OSBP2: variants seen among roughly 807,000 people sequenced by gnomAD.
OSBP2 encodes the protein oxysterol-binding protein 2.
OSBP2 carries 66 observed loss-of-function variants against 96.0 expected under a neutral mutation model. That is an observed-to-expected ratio of 0.69 (90% confidence interval 0.56 to 0.84). The LOEUF (loss-of-function observed/expected upper bound fraction) is 0.84. Among genes scored for constraint, OSBP2 ranks in the 40% least tolerant of loss-of-function variants. The pLI, the probability that OSBP2 is intolerant of heterozygous loss-of-function variation, is 0.00. For missense variants in OSBP2, 1,038 were observed against 1,222.7 expected, an observed-to-expected ratio of 0.85 and a Z score of 2.25; for synonymous variants, 525 against 520.9, an observed-to-expected ratio of 1.01 and a Z score of -0.11.
chr22:30,709,538 A>G (rs571479107), intron 1 of OSBP2, among the ~76,000 whole-genome samples: 2 of 150,528 alleles, frequency 1.3e-5, no homozygotes, highest in Non-Finnish European at 3.0e-5. Context: ...TTTTTTTGAG[A>G]CAGAGTCTCA....
At chr22:30,795,563 A>C (rs1472089614) in intron 2 of OSBP2, among the ~76,000 whole-genome samples, 3 of 134,224 alleles carry the variant, frequency 2.2e-5, no homozygotes, top group African/African-American at 8.6e-5. Context: ...CTTGTTGCCC[A>C]GGCTGTAGTG....
At chr22:30,884,631 C>T (rs1429933099) in intron 3 of OSBP2, among the ~76,000 whole-genome samples, 1 of 152,182 alleles carries the variant, frequency 6.6e-6, no homozygotes, top group Non-Finnish European at 1.5e-5. Flanking sequence ...ATCCCTGGGG[C>T]AGGCTGGGGG....
intron 2 of OSBP2, among the ~76,000 whole-genome samples, chr22:30,826,605 A>G (rs963947119): frequency 4.6e-5 from 7 of 152,122 alleles, no homozygotes; most frequent in Non-Finnish European, 7.4e-5. Flanking sequence ...ACCCTCCTAG[A>G]GGCTGTAAGC....
At chr22:30,894,328 A>G (rs2040018223) in intron 12 of OSBP2, 1 of 258,386 alleles carries the variant, frequency 3.9e-6, no homozygotes, top group Non-Finnish European at 7.4e-6. Flanking sequence ...TCCAAAGAGA[A>G]CAAATAGAAA....
chr22:30,862,635 G>A lies in OSBP2; in HGVS notation c.854-7794G>A, dbSNP rs537304121. 1.1e-4 allele frequency among the ~76,000 whole-genome samples: 16 copies of A among 145,972 alleles called. No homozygotes were observed. The South Asian group carries it at 2.7e-3, about 25-fold the overall frequency. On this transcript the variant is annotated intron_variant, in intron 2 of 13. Transcript: ENST00000332585. ...GTGGAGGTTGCAGTGAGCCGAGATC[G>A]TGCCACTGTACTCCAACCTGGGTGA...
chr22:30,774,878 G>A (rs755345262), intron 2 of OSBP2, among the ~76,000 whole-genome samples: 16 of 152,184 alleles, frequency 1.1e-4, no homozygotes, highest in Non-Finnish European at 2.1e-4. Context: ...TATGTGAGAT[G>A]ATAGCATCAC....
intron 2 of OSBP2, among the ~76,000 whole-genome samples, chr22:30,752,559 G>A (rs1297480775): frequency 6.6e-6 from 1 of 151,828 alleles, no homozygotes; most frequent in Admixed American, 6.6e-5. Context: ...CAAAGTGCTA[G>A]GATTACAGGT....
intron 2 of OSBP2, among the ~76,000 whole-genome samples, chr22:30,752,365 C>G (rs1007095869): frequency 8.2e-6 from 1 of 122,014 alleles, no homozygotes; most frequent in South Asian, 2.8e-4. Flanking sequence ...GTGGCACCAT[C>G]TCGGCTCACT....
chr22:30,741,487 A>C, intron 2 of OSBP2, 118 bp downstream of exon 2: 1 of 769,860 alleles, frequency 1.3e-6, no homozygotes, highest in East Asian at 2.7e-5. Context: ...AGCGTGGATC[A>C]ATCTGGAAGG....
intron 4 of OSBP2, 28 bp from the exon 5 acceptor site, chr22:30,888,195 C>T (rs746119500): frequency 3.4e-6 from 5 of 1,460,136 alleles, no homozygotes; most frequent in South Asian, 2.3e-5. Context: ...TGTGAGGTTA[C>T]AAATTAAAGC....
chr22:30,853,540 G>T (rs1396610239), intron 2 of OSBP2, among the ~76,000 whole-genome samples: 1 of 152,040 alleles, frequency 6.6e-6, no homozygotes, highest in African/African-American at 2.4e-5. Context: ...AATATTTAAA[G>T]GAGTTTTATT....
chr22:30,791,300 C>T (rs1446789311), intron 2 of OSBP2, among the ~76,000 whole-genome samples: 2 of 134,672 alleles, frequency 1.5e-5, no homozygotes, highest in African/African-American at 5.6e-5. Flanking sequence ...GCTGCAGGAG[C>T]TTATATATTG....
chr22:30,740,564 A>C (rs1340563554), intron 1 of OSBP2, among the ~76,000 whole-genome samples: 1 of 152,236 alleles, frequency 6.6e-6, no homozygotes, highest in East Asian at 1.9e-4. Flanking sequence ...AATTCAGCCT[A>C]TGCCCAGGAA....
intron 2 of OSBP2, among the ~76,000 whole-genome samples, chr22:30,845,275 C>T (rs563013507): frequency 6.6e-6 from 1 of 152,054 alleles, no homozygotes; most frequent in Admixed American, 6.6e-5. Flanking sequence ...ACCATATATA[C>T]AAAAACTTAG....
chr22:30,847,527 G>A (rs572241102), intron 2 of OSBP2, among the ~76,000 whole-genome samples: 16 of 152,166 alleles, frequency 1.1e-4, no homozygotes, highest in African/African-American at 2.9e-4. Context: ...TGATCCACCC[G>A]CCTCAGCTTC....
intron 2 of OSBP2, among the ~76,000 whole-genome samples, chr22:30,796,557 G>A (rs951495002): frequency 7.2e-5 from 11 of 152,020 alleles, no homozygotes; most frequent in African/African-American, 2.7e-4. Context: ...CCAGGCTGGA[G>A]TGCAGTGATA....
intron 2 of OSBP2, among the ~76,000 whole-genome samples, chr22:30,804,418 T>C (rs528550585): frequency 6.6e-6 from 1 of 152,314 alleles, no homozygotes; most frequent in South Asian, 2.1e-4. Context: ...ATGACTCTGG[T>C]GGGCAGCTTC....
At chr22:30,885,427 C>G (rs1328722145) in intron 3 of OSBP2, among the ~76,000 whole-genome samples, 1 of 152,216 alleles carries the variant, frequency 6.6e-6, no homozygotes, top group Non-Finnish European at 1.5e-5. Flanking sequence ...GGCAGAATGA[C>G]CAACCCCTGC....
intron 1 of OSBP2, among the ~76,000 whole-genome samples, chr22:30,696,878 C>G (rs547166115): frequency 2.6e-5 from 4 of 151,792 alleles, no homozygotes; most frequent in Non-Finnish European, 4.4e-5. Context: ...AGGCTGGTTT[C>G]GAACTCCTGA....
Sources: gnomAD v4.1 joint callset for allele counts (sites outside exome capture counted in the v4.1 genomes callset) on GRCh38, gnomAD v4.1.1 for gene constraint, MANE v1.5 for transcripts, NCBI Gene and HGNC (gene_info 2026-07-23, HGNC 2026-07-21) for gene names.